Variants in MEI1 observed in about 807,000 individuals in gnomAD.
MEI1 encodes the protein meiotic double-stranded break formation protein 1, also known as meiosis inhibitor protein 1.
MEI1 carries 103 observed loss-of-function variants against 146.2 expected under a neutral mutation model. The ratio of observed to expected loss-of-function variants is 0.70; its 90% confidence interval spans 0.60 to 0.83. MEI1 has a LOEUF of 0.83. Ranked by LOEUF, MEI1 falls within the 40% of genes least tolerant of loss-of-function variation. MEI1 has a pLI of 0.00. For synonymous variants in MEI1, 652 were observed against 628.2 expected, an observed-to-expected ratio of 1.04 and a Z score of -0.57; for missense variants, 1,529 against 1,533.0, an observed-to-expected ratio of 1.00 and a Z score of 0.04.
At chr22:41,785,514 G>A (rs1377638713) in intron 26 of MEI1, among the ~76,000 whole-genome samples, 4 of 149,826 alleles carry the variant, frequency 2.7e-5, no homozygotes, top group South Asian at 2.1e-4. Context: ...CTCCCGCCTC[G>A]GCCTCCCAAA....
Position 41,799,412 on chromosome 22 carries a change from CT to C in MEI1, c.*114del. ...AGCTATTCATATGGAGCCATATACTCTATTGTTGAAATAGAATAAGGAAATA... is the reference window on the plus strand; with the variant it reads ...AGCTATTCATATGGAGCCATATACTCATTGTTGAAATAGAATAAGGAAATA... On this transcript the variant is annotated 3_prime_UTR_variant, in exon 31 of 31. Coordinates refer to ENST00000401548, the MANE Select transcript of MEI1 (RefSeq NM_152513.4). The C allele has an allele frequency of 1.0e-6, 1 of 973,712 alleles. No homozygotes were observed. The highest frequency in any genetic ancestry group is 1.6e-6 in the Non-Finnish European group (1 of 633,546). 60.3% of individuals were successfully genotyped at this position (973,712 alleles called of 1,614,324 possible). A position where few individuals can be genotyped will look rare whatever the true frequency, so the allele number is the denominator to read the frequency against.
intron 26 of MEI1, among the ~76,000 whole-genome samples, chr22:41,792,208 C>T (rs1392410666): frequency 6.6e-6 from 1 of 152,160 alleles, no homozygotes; most frequent in Non-Finnish European, 1.5e-5. Flanking sequence ...GAAGCCTAAG[C>T]TAGGGCTCTG....
intron 18 of MEI1, among the ~76,000 whole-genome samples, chr22:41,760,319 TA>T (rs575438849): frequency 3.7e-4 from 51 of 139,636 alleles, no homozygotes; most frequent in African/African-American, 1.3e-3. Context: ...CAAAAAAAAA[TA>T]AAAAAAAGAA....
In MEI1 at chr22:41,724,190, G is replaced by A. The variant is rs1249466403; in HGVS notation, c.864+117G>A. 5.2e-5 allele frequency: 67 copies of A among 1,287,706 alleles called. 2 individuals are homozygous for A. The East Asian group carries it at 1.5e-3, about 30-fold the overall frequency. 79.8% of individuals were successfully genotyped at this position (1,287,706 alleles called of 1,614,324 possible). A position where few individuals can be genotyped will look rare whatever the true frequency, so the allele number is the denominator to read the frequency against. ...AGATTTCCAAGTGTTTTCTTACTGG[G>A]CAAAATAATATACTGGCTGGGGGCG... On this transcript the variant is annotated intron_variant, in intron 7 of 30. Coordinates refer to ENST00000401548, the MANE Select transcript of MEI1 (RefSeq NM_152513.4).
chr22:41,757,964 T>C (rs2074205974), intron 17 of MEI1, among the ~76,000 whole-genome samples: 1 of 151,914 alleles, frequency 6.6e-6, no homozygotes, highest in African/African-American at 2.4e-5. Flanking sequence ...AAAAATTAGC[T>C]GGGCGTGGTG....
rs373830105 is a variant in MEI1 at position 41,795,700 on chromosome 22, G to A, written c.3667-35G>A. ...AGGGCCTGTGTGGAATGGGCACTGAGGAGGCCTGTCTTCCCTGCCCTCTTC... is the reference window on the plus strand; with the variant it reads ...AGGGCCTGTGTGGAATGGGCACTGAAGAGGCCTGTCTTCCCTGCCCTCTTC... On this transcript the variant is annotated intron_variant, in intron 29 of 30. Coordinates refer to ENST00000401548, the MANE Select transcript of MEI1 (RefSeq NM_152513.4). This position sits in a 1 kb window ranked among gnomAD's most constrained non-coding sequence, Gnocchi z 4.2. 3.1e-6 allele frequency: 5 copies of A among 1,601,554 alleles called. No homozygotes were observed. The highest frequency in any genetic ancestry group is 3.4e-6 in the Non-Finnish European group (4 of 1,171,490).
At chr22:41,780,398 A>G (rs1423518886) in intron 22 of MEI1, among the ~76,000 whole-genome samples, 2 of 151,910 alleles carry the variant, frequency 1.3e-5, no homozygotes, top group Admixed American at 1.3e-4. Flanking sequence ...TCATATTAGG[A>G]TGGGGATAGG....
chr22:41,788,593 A>ACCATG, intron 26 of MEI1, among the ~76,000 whole-genome samples: 1 of 151,376 alleles, frequency 6.6e-6, no homozygotes, highest in South Asian at 2.1e-4. Context: ...GGTGTGTGCC[A>ACCATG]CCATGCCTGG....
chr22:41,777,448 A>T (rs1426676596), intron 21 of MEI1, among the ~76,000 whole-genome samples: 1 of 152,018 alleles, frequency 6.6e-6, no homozygotes, highest in Non-Finnish European at 1.5e-5. Flanking sequence ...GAGCTACCAC[A>T]CTCGGCCTAA....
At chr22:41,760,823 A>G (rs2074436949) in intron 18 of MEI1, among the ~76,000 whole-genome samples, 1 of 152,206 alleles carries the variant, frequency 6.6e-6, no homozygotes, top group Non-Finnish European at 1.5e-5. Context: ...GTGTTCTTCC[A>G]TACAATGCCT....
intron 6 of MEI1, among the ~76,000 whole-genome samples, chr22:41,721,391 C>T (rs2070783988): frequency 6.6e-6 from 1 of 151,328 alleles, no homozygotes; most frequent in African/African-American, 2.4e-5. Context: ...ACTACAGGCG[C>T]ATGCCACCAC....
chr22:41,777,258 T>C (rs987575764), intron 21 of MEI1, among the ~76,000 whole-genome samples: 3 of 151,052 alleles, frequency 2.0e-5, no homozygotes, highest in African/African-American at 7.3e-5. Flanking sequence ...TGGGTTCAAG[T>C]GATTCTTCTG....
chr22:41,793,411 C>A (rs146181653), intron 26 of MEI1, among the ~76,000 whole-genome samples: 130 of 152,228 alleles, frequency 8.5e-4, no homozygotes, highest in African/African-American at 3.0e-3. Flanking sequence ...AATCGATTCT[C>A]CTGCCTCAAC....
intron 11 of MEI1, among the ~76,000 whole-genome samples, chr22:41,742,398 T>C (rs2072957026): frequency 6.6e-6 from 1 of 152,182 alleles, no homozygotes; most frequent in African/African-American, 2.4e-5. Context: ...CAATTCTAGG[T>C]AGTGCTTCTT....
chr22:41,763,270 C>G lies in MEI1; in HGVS notation c.2217C>G (p.Ala739=). ...GERPPLVVFK[A]SIYLLAICQD... ...GCCCCCCACTGGTGGTCTTCAAAGC[C>G]TCCATCTATCTGCTTGCAATCTGCC... is the stretch of plus-strand genomic sequence containing the variant. Residue 739 remains alanine (A), a synonymous_variant, in exon 19 of 31, where the codon GCC becomes GCG. Coordinates refer to ENST00000401548, the MANE Select transcript of MEI1 (RefSeq NM_152513.4). 1.2e-6 allele frequency: 2 copies of G among 1,613,994 alleles called. No individual in the cohort carries two copies. The highest frequency in any genetic ancestry group is 1.7e-6 in the Non-Finnish European group (2 of 1,179,882).
In MEI1 at chr22:41,770,679, C is replaced by A; in HGVS notation, c.2269-7C>A. ...GTATTTACCTCCTTTCTTTGTTTTG[C>A]CTCCAGACTATGGTCAGTGCAATCA... On this transcript the variant is annotated splice_region_variant and splice_polypyrimidine_tract_variant and intron_variant, in intron 19 of 30. Transcript: ENST00000401548. 7 of 1,611,538 alleles carry A rather than the reference C, an allele frequency of 4.3e-6. No homozygotes were observed. Among genetic ancestry groups the A allele is most frequent in the Non-Finnish European group, 5.9e-6 (7 of 1,178,640 alleles).
chr22:41,703,243 T>G, intron 1 of MEI1, 88 bp from the exon 2 acceptor site: 1 of 1,423,150 alleles, frequency 7.0e-7, no homozygotes, highest in Middle Eastern at 1.7e-4. Context: ...TTGTATCATC[T>G]TGTAATTGTA....
chr22:41,713,494 AAG>A (rs1555921266), intron 3 of MEI1, among the ~76,000 whole-genome samples: 10 of 151,318 alleles, frequency 6.6e-5, no homozygotes, highest in Middle Eastern at 6.4e-3. Flanking sequence ...AAAAAAAAAA[AAG>A]AAGCCAGAAC....
At chr22:41,733,785 A>G (rs1256757146) in intron 11 of MEI1, among the ~76,000 whole-genome samples, 3 of 152,164 alleles carry the variant, frequency 2.0e-5, no homozygotes, top group African/African-American at 7.2e-5. Flanking sequence ...CTATTTATAT[A>G]GCATTTGCAT....
Sources: allele counts gnomAD v4.1 joint callset (sites outside exome capture counted in the v4.1 genomes callset), GRCh38; gene constraint gnomAD v4.1.1; non-coding constraint Gnocchi (gnomAD v3.1); transcripts MANE v1.5; gene names NCBI Gene and HGNC (gene_info 2026-07-23, HGNC 2026-07-21).